Variants in ZNF536 observed in about 807,000 individuals in gnomAD.
ZNF536 encodes zinc finger protein 536.
ZNF536 carries 13 observed loss-of-function variants against 84.5 expected under a neutral mutation model. The ratio of observed to expected loss-of-function variants is 0.15; its 90% CI spans 0.10 to 0.24. The LOEUF is 0.24. Among genes scored for constraint, ZNF536 ranks in the 10% least tolerant of loss-of-function variants. ZNF536 has a pLI of 1.00. For missense variants in ZNF536, 1,536 were observed against 1,747.5 expected (o/e 0.88, Z 2.16); for synonymous variants, 811 against 742.5 (o/e 1.09, Z -1.50).
intron 1 of ZNF536, among the ~76,000 whole-genome samples, chr19:30,704,537 C>T (rs1332492083): frequency 6.7e-6 from 1 of 148,712 alleles, no homozygotes; most frequent in Non-Finnish European, 1.5e-5. Flanking sequence ...ATCCCAGCTA[C>T]TTGGGAGGCT....
At chr19:30,648,656 C>CCGT (rs2049570915) in intron 1 of ZNF536, among the ~76,000 whole-genome samples, 1 of 152,188 alleles carries the variant, frequency 6.6e-6, no homozygotes, top group African/African-American at 2.4e-5. Context: ...GTGCTGTTCC[C>CCGT]CGTCCCTCAT....
At chr19:30,707,088 C>A (rs1221395330) in intron 1 of ZNF536, among the ~76,000 whole-genome samples, 1 of 152,088 alleles carries the variant, frequency 6.6e-6, no homozygotes, top group Non-Finnish European at 1.5e-5. Flanking sequence ...TAGCTTCGGG[C>A]CCACAGGGAT....
intron 1 of ZNF536, among the ~76,000 whole-genome samples, chr19:30,595,841 C>T (rs545280019): frequency 6.6e-6 from 1 of 152,104 alleles, no homozygotes; most frequent in Non-Finnish European, 1.5e-5. Flanking sequence ...TTTCTAGTGT[C>T]AGGACATAAG....
At chr19:30,612,778 C>A (rs887350218) in intron 1 of ZNF536, among the ~76,000 whole-genome samples, 3 of 152,164 alleles carry the variant, frequency 2.0e-5, no homozygotes, top group African/African-American at 4.8e-5. Context: ...TCCCTTAGTT[C>A]AATGATCAAA....
chr19:30,651,289 C>G (rs1040581016), intron 1 of ZNF536, among the ~76,000 whole-genome samples: 1 of 152,206 alleles, frequency 6.6e-6, no homozygotes, highest in Non-Finnish European at 1.5e-5. Context: ...CTGTGTGTTT[C>G]ATCAGAAAGC....
chr19:30,488,613 C>T (rs776396207), intron 2 of ZNF536, among the ~76,000 whole-genome samples: 9 of 151,094 alleles, frequency 6.0e-5, no homozygotes, highest in African/African-American at 1.2e-4. Context: ...TTCTGAGCAT[C>T]GAATCACATA....
At chr19:30,578,200 G>A (rs2046804238) in intron 1 of ZNF536, among the ~76,000 whole-genome samples, 1 of 152,204 alleles carries the variant, frequency 6.6e-6, no homozygotes, top group South Asian at 2.1e-4. Flanking sequence ...GAGAGATGCT[G>A]TAAAGTCAGC....
chr19:30,358,986 G>A (rs1025774970), intron 3 of ZNF536, among the ~76,000 whole-genome samples: 2 of 152,212 alleles, frequency 1.3e-5, no homozygotes, highest in African/African-American at 4.8e-5. Flanking sequence ...GCATGGAGCT[G>A]AGTGTGCACA....
intron 3 of ZNF536, among the ~76,000 whole-genome samples, chr19:30,542,311 A>G (rs762142794): frequency 5.9e-5 from 9 of 152,208 alleles, no homozygotes; most frequent in Non-Finnish European, 1.2e-4. Context: ...TATAAAAGAT[A>G]TGAGCATGTA....
chr19:30,617,452 A>G (rs1216454067), intron 1 of ZNF536, among the ~76,000 whole-genome samples: 2 of 141,142 alleles, frequency 1.4e-5, no homozygotes, highest in African/African-American at 2.6e-5. Flanking sequence ...CCGGGTTCAC[A>G]CCATTCTCCT....
upstream of ZNF536, among the ~76,000 whole-genome samples, chr19:30,371,826 ATG>A (rs1031641537): frequency 7.3e-5 from 11 of 151,360 alleles, no homozygotes; most frequent in South Asian, 2.1e-4. Context: ...ATGCATATAT[ATG>A]TGTGTGTGTA....
At chr19:30,624,208 C>T (rs1304524481) in intron 1 of ZNF536, among the ~76,000 whole-genome samples, 1 of 152,130 alleles carries the variant, frequency 6.6e-6, no homozygotes, top group African/African-American at 2.4e-5. Context: ...CTTGGCCCTC[C>T]AAGTTGACCC....
intron 1 of ZNF536, among the ~76,000 whole-genome samples, chr19:30,666,867 C>T: frequency 6.7e-6 from 1 of 148,444 alleles, no homozygotes; most frequent in African/African-American, 2.5e-5. Context: ...TGTATGTATG[C>T]ATATTTTAAA....
At chr19:30,379,118 A>C (rs1309737340) in intron 1 of ZNF536, among the ~76,000 whole-genome samples, 1 of 152,158 alleles carries the variant, frequency 6.6e-6, no homozygotes, top group Non-Finnish European at 1.5e-5. Flanking sequence ...GGTGATGGTT[A>C]TTATTTTTAT....
rs376336745 is a variant in ZNF536 at position 30,474,524 on chromosome 19, C to T, written c.2170+28792C>T. Among the ~76,000 whole-genome samples the T allele has an allele frequency of 2.1e-4, 32 of 152,254 alleles. No homozygotes were observed. In the South Asian group the frequency reaches 6.2e-3, roughly 30 times the overall value. ...TCCCAGACAGCAGTGTGGCCGGGTCCTGTGTGAACTCCCCCAACCCCTCCC... is the reference window on the plus strand; with the variant it reads ...TCCCAGACAGCAGTGTGGCCGGGTCTTGTGTGAACTCCCCCAACCCCTCCC... On this transcript the variant is annotated intron_variant, in intron 2 of 4. Coordinates refer to ENST00000355537, the MANE Select transcript of ZNF536 (RefSeq NM_014717.3).
intron 1 of ZNF536, among the ~76,000 whole-genome samples, chr19:30,393,696 T>C (rs1465533031): frequency 6.6e-6 from 1 of 152,038 alleles, no homozygotes. Flanking sequence ...CAGATGGAAC[T>C]TGGTGAAGAT....
intron 1 of ZNF536, among the ~76,000 whole-genome samples, chr19:30,250,370 C>T (rs2024537894): frequency 1.3e-5 from 2 of 152,176 alleles, no homozygotes; most frequent in South Asian, 4.1e-4. Flanking sequence ...TGATTTAAAG[C>T]TTTGTCACAC....
chr19:30,684,244 C>A (rs1355217316), intron 1 of ZNF536, among the ~76,000 whole-genome samples: 1 of 152,164 alleles, frequency 6.6e-6, no homozygotes, highest in Non-Finnish European at 1.5e-5. Context: ...AAGTGATCCT[C>A]CCACCTCAGC....
chr19:30,419,440 A>T (rs887113851), intron 1 of ZNF536, among the ~76,000 whole-genome samples: 1 of 152,216 alleles, frequency 6.6e-6, no homozygotes, highest in African/African-American at 2.4e-5. Flanking sequence ...TTTCAGAAAA[A>T]ATATACCAGT....
Sources: allele counts gnomAD v4.1 joint callset (sites outside exome capture counted in the v4.1 genomes callset), GRCh38; gene constraint gnomAD v4.1.1; transcripts MANE v1.5; gene names NCBI Gene and HGNC (gene_info 2026-07-23, HGNC 2026-07-21).